The following LYPLAL1 variants were observed in gnomAD, a reference collection of about 807,000 sequenced individuals.
LYPLAL1 encodes the protein lysophospholipase-like protein 1.
LYPLAL1 carries 23 observed loss-of-function variants against 19.7 expected under a neutral mutation model. The ratio of observed to expected loss-of-function variants is 1.17; its 90% CI spans 0.84 to 1.65. The LOEUF (loss-of-function observed/expected upper bound fraction) is 1.65, where lower values mean the gene tolerates loss of function less well. Ranked by LOEUF, LYPLAL1 falls within the 40% of genes most tolerant of loss-of-function variation. The probability of loss-of-function intolerance (pLI) is 0.00; values close to 1 mark genes in which losing one functional copy is unlikely to be tolerated. For missense variants in LYPLAL1, 355 were observed against 279.4 expected (o/e 1.27, Z -1.93); for synonymous variants, 119 against 96.3 (o/e 1.24, Z -1.38).
At chr1:219,281,170 C>T in the LYPLAL1 span, among the ~76,000 whole-genome samples, 2 of 152,138 alleles carry the variant, frequency 1.3e-5, no homozygotes, top group South Asian at 4.1e-4. Context: ...ATGGGCTTGG[C>T]AGTTTGATTC....
At chr1:219,314,117 C>T in the LYPLAL1 span, among the ~76,000 whole-genome samples, 8 of 152,198 alleles carry the variant, frequency 5.3e-5, no homozygotes, top group Non-Finnish European at 1.2e-4. Context: ...CTTAGGATAA[C>T]AGCCTCCAGC....
the LYPLAL1 span, among the ~76,000 whole-genome samples, chr1:219,376,785 T>A: frequency 6.6e-6 from 1 of 152,198 alleles, no homozygotes; most frequent in Admixed American, 6.5e-5. Flanking sequence ...ATCATTAGAA[T>A]GGGCAATTAG....
At chr1:219,215,970 C>G (rs1477936648), downstream of LYPLAL1, among the ~76,000 whole-genome samples, 1 of 152,072 alleles carries the variant, frequency 6.6e-6, no homozygotes, top group Non-Finnish European at 1.5e-5. Flanking sequence ...ATTACCCTTA[C>G]ATTTTCCTTT....
chr1:219,366,286 C>G, the LYPLAL1 span, among the ~76,000 whole-genome samples: 38 of 152,182 alleles, frequency 2.5e-4, no homozygotes, highest in Admixed American at 2.6e-4. Context: ...ATAAGTCTAA[C>G]ATTAAATGGA....
At chr1:219,188,409 C>T (rs1656892445) in intron 2 of LYPLAL1, among the ~76,000 whole-genome samples, 1 of 151,620 alleles carries the variant, frequency 6.6e-6, no homozygotes, top group African/African-American at 2.4e-5. Flanking sequence ...TCGGAGCCCA[C>T]CATGCAGAAA....
At chr1:219,368,786 A>T in the LYPLAL1 span, among the ~76,000 whole-genome samples, 2 of 152,212 alleles carry the variant, frequency 1.3e-5, no homozygotes, top group African/African-American at 4.8e-5. Context: ...AAATCACTTG[A>T]TTTTACTATG....
the LYPLAL1 span, among the ~76,000 whole-genome samples, chr1:219,405,631 A>G: frequency 6.6e-6 from 1 of 152,176 alleles, no homozygotes; most frequent in Non-Finnish European, 1.5e-5. Context: ...ACTTGACACC[A>G]TGTTTTAGAT....
chr1:219,317,056 G>A, the LYPLAL1 span, among the ~76,000 whole-genome samples: 1 of 152,066 alleles, frequency 6.6e-6, no homozygotes, highest in Non-Finnish European at 1.5e-5. Context: ...TATGTTATAG[G>A]TATTTTACCA....
chr1:219,302,462 G>A, the LYPLAL1 span, among the ~76,000 whole-genome samples: 36 of 152,162 alleles, frequency 2.4e-4, no homozygotes, highest in African/African-American at 8.4e-4. Context: ...TTATGTTGGT[G>A]AGGTGTAGGA....
intron 3 of LYPLAL1, among the ~76,000 whole-genome samples, chr1:219,200,742 G>A (rs576516533): frequency 6.6e-6 from 1 of 152,290 alleles, no homozygotes; most frequent in Non-Finnish European, 1.5e-5. Context: ...TTCCTCTTCA[G>A]TATAAAGTTT....
At chr1:219,249,439 G>C in the LYPLAL1 span, among the ~76,000 whole-genome samples, 1 of 151,846 alleles carries the variant, frequency 6.6e-6, no homozygotes. Context: ...TTCTGCTATT[G>C]ATGTACATTT....
At chr1:219,192,482 C>T (rs1024061817) in intron 2 of LYPLAL1, among the ~76,000 whole-genome samples, 1 of 151,534 alleles carries the variant, frequency 6.6e-6, no homozygotes, top group Non-Finnish European at 1.5e-5. Flanking sequence ...CTCATCATTA[C>T]GTGAGGAGAA....
chr1:219,329,692 A>G, the LYPLAL1 span, among the ~76,000 whole-genome samples: 106 of 152,114 alleles, frequency 7.0e-4, no homozygotes, highest in African/African-American at 2.4e-3. Flanking sequence ...TCTCCAACCA[A>G]CTCTGACAAT....
At chr1:219,176,988 A>G (rs190918169) in intron 1 of LYPLAL1, among the ~76,000 whole-genome samples, 1 of 152,248 alleles carries the variant, frequency 6.6e-6, no homozygotes, top group East Asian at 1.9e-4. Context: ...AGTAAGTTTT[A>G]TGGAAACAAG....
At chr1:219,195,693 AATTTT>A (rs146568457) in intron 3 of LYPLAL1, among the ~76,000 whole-genome samples, 6,732 of 152,160 alleles carry the variant, frequency 0.044, 504 homozygotes, top group African/African-American at 0.15. Flanking sequence ...TAAAAATTTT[AATTTT>A]ATTTTAAGTT....
the LYPLAL1 span, among the ~76,000 whole-genome samples, chr1:219,302,964 T>C: frequency 6.6e-6 from 1 of 152,204 alleles, no homozygotes; most frequent in Admixed American, 6.5e-5. Context: ...TATTCTCCTG[T>C]ATACAGTCCT....
chr1:219,358,595 C>T, the LYPLAL1 span, among the ~76,000 whole-genome samples: 20 of 152,024 alleles, frequency 1.3e-4, no homozygotes, highest in South Asian at 2.7e-3. Context: ...GGGTGGCAGG[C>T]GAAAGAGTGA....
the LYPLAL1 span, among the ~76,000 whole-genome samples, chr1:219,342,435 C>T: frequency 6.6e-6 from 1 of 151,980 alleles, no homozygotes; most frequent in South Asian, 2.1e-4. Flanking sequence ...TTTGCATCAC[C>T]CTATTAGGCC....
chr1:219,264,096 T>G, the LYPLAL1 span, among the ~76,000 whole-genome samples: 38 of 152,302 alleles, frequency 2.5e-4, no homozygotes, highest in African/African-American at 8.7e-4. Context: ...CCAATTTTTA[T>G]TTTTTAAAAA....
Sources: allele counts gnomAD v4.1 joint callset (sites outside exome capture counted in the v4.1 genomes callset), GRCh38; gene constraint gnomAD v4.1.1; transcripts MANE v1.5; gene names NCBI Gene and HGNC (gene_info 2026-07-23, HGNC 2026-07-21).